The following WWOX variants were observed in gnomAD, a reference collection of about 807,000 sequenced individuals.
WWOX encodes the protein WW domain-containing oxidoreductase.
A neutral mutation model predicts 46.2 loss-of-function variants in WWOX; 69 were observed. The ratio of observed to expected loss-of-function variants is 1.49; its 90% CI spans 1.23 to 1.82. The LOEUF (loss-of-function observed/expected upper bound fraction) is 1.82, where lower values mean the gene tolerates loss of function less well. Among genes scored for constraint, WWOX ranks in the 40% most tolerant of loss-of-function variants. The probability of loss-of-function intolerance (pLI) is 0.00; values close to 1 mark genes in which losing one functional copy is unlikely to be tolerated. For missense variants in WWOX, 919 were observed against 542.6 expected (o/e 1.69, Z -6.89); for synonymous variants, 359 against 202.6 (o/e 1.77, Z -6.56).
intron 1 of WWOX, among the ~76,000 whole-genome samples, chr16:78,105,311 A>ATT (rs2032071384): frequency 1.2e-4 from 18 of 151,990 alleles, no homozygotes; most frequent in Admixed American, 1.2e-3. Flanking sequence ...AAAATACAAA[A>ATT]ATTATCCCGG....
intron 8 of WWOX, among the ~76,000 whole-genome samples, chr16:78,616,380 G>A (rs1419975222): frequency 1.3e-5 from 2 of 152,110 alleles, no homozygotes; most frequent in African/African-American, 4.8e-5. Flanking sequence ...CAGATTCAGT[G>A]TCCGGTGAGG....
At chr16:79,173,749 C>A (rs1403051339) in intron 8 of WWOX, among the ~76,000 whole-genome samples, 2 of 151,740 alleles carry the variant, frequency 1.3e-5, no homozygotes, top group East Asian at 3.9e-4. Flanking sequence ...TACTAGGTAG[C>A]CACTAAAATA....
At chr16:78,505,881 G>A (rs561475224) in intron 8 of WWOX, among the ~76,000 whole-genome samples, 1 of 152,288 alleles carries the variant, frequency 6.6e-6, no homozygotes, top group Admixed American at 6.5e-5. Flanking sequence ...GGAAGATTCG[G>A]CCTTTCTCTC....
intron 8 of WWOX, among the ~76,000 whole-genome samples, chr16:78,880,665 C>G (rs1567622707): frequency 6.6e-6 from 1 of 152,186 alleles, no homozygotes; most frequent in Non-Finnish European, 1.5e-5. Context: ...AATTCACTTG[C>G]CGAACTTGCT....
chr16:78,616,169 G>C (rs1414881496), intron 8 of WWOX, among the ~76,000 whole-genome samples: 1 of 151,686 alleles, frequency 6.6e-6, no homozygotes, highest in African/African-American at 2.4e-5. Context: ...GGCTTTCCCT[G>C]CCATGTGTAT....
intron 8 of WWOX, among the ~76,000 whole-genome samples, chr16:78,603,959 T>C (rs370787263): frequency 2.0e-5 from 3 of 151,976 alleles, no homozygotes; most frequent in Non-Finnish European, 2.9e-5. Flanking sequence ...CTGGGTAACA[T>C]AGGGAAACCC....
intron 4 of WWOX, among the ~76,000 whole-genome samples, chr16:78,133,846 A>G (rs1319202428): frequency 6.6e-6 from 1 of 152,262 alleles, no homozygotes; most frequent in Non-Finnish European, 1.5e-5. Context: ...AGATACCTGC[A>G]AGGCTGAGCT....
At chr16:78,419,761 A>G (rs975235637) in intron 6 of WWOX, among the ~76,000 whole-genome samples, 2 of 150,708 alleles carry the variant, frequency 1.3e-5, no homozygotes, top group Non-Finnish European at 2.9e-5. Context: ...TACAACCCTG[A>G]CAGCACAAGT....
chr16:78,664,736 G>C (rs1172361241), intron 8 of WWOX, among the ~76,000 whole-genome samples: 19 of 152,192 alleles, frequency 1.2e-4, no homozygotes, highest in Middle Eastern at 3.4e-3. Context: ...CCCTGAATTA[G>C]GCTCCTTGAG....
At chr16:78,793,179 C>G (rs117276031) in intron 8 of WWOX, among the ~76,000 whole-genome samples, 5,243 of 152,238 alleles carry the variant, frequency 0.034, 119 homozygotes, top group Non-Finnish European at 0.05. Context: ...ATCAAGTGAT[C>G]TTCACACCTC....
intron 8 of WWOX, among the ~76,000 whole-genome samples, chr16:78,824,791 A>T (rs1408409537): frequency 6.6e-6 from 1 of 152,186 alleles, no homozygotes; most frequent in Non-Finnish European, 1.5e-5. Context: ...ACATGTGGGA[A>T]TTCTGGGAGA....
At chr16:78,351,981 A>G (rs368530814) in intron 5 of WWOX, among the ~76,000 whole-genome samples, 3 of 152,270 alleles carry the variant, frequency 2.0e-5, no homozygotes, top group African/African-American at 7.2e-5. Context: ...CTTCAAACCT[A>G]GATCAAGAGT....
chr16:78,810,553 G>T (rs977271734), intron 8 of WWOX, among the ~76,000 whole-genome samples: 1 of 152,198 alleles, frequency 6.6e-6, no homozygotes, highest in Non-Finnish European at 1.5e-5. Context: ...GTCAACAACT[G>T]ATTAAAGCAT....
At chr16:78,684,899 T>C (rs2047819686) in intron 8 of WWOX, among the ~76,000 whole-genome samples, 1 of 152,176 alleles carries the variant, frequency 6.6e-6, no homozygotes, top group African/African-American at 2.4e-5. Context: ...ATAGGAACAC[T>C]CATAGTATGT....
chr16:79,211,610 A>T lies in WWOX; in HGVS notation c.1059A>T (p.Gln353His), dbSNP rs1459368049. The T allele has an allele frequency of 6.2e-7, 1 of 1,614,126 alleles. No homozygotes were observed. The highest frequency in any genetic ancestry group is 2.2e-5 in the East Asian group (1 of 44,866). Residue 353 changes from glutamine (Q) to histidine (H), a missense_variant and splice_region_variant, in exon 9 of 9, where the codon CAA becomes CAT. Coordinates refer to ENST00000566780, the MANE Select transcript of WWOX (RefSeq NM_016373.4). Reference sequence around the variant, plus strand: ...TGTCTTTCTTCTTGGATTTCCAGCAACAGGGAGCTGCCACCACCGTGTACT... The same window carrying T: ...TGTCTTTCTTCTTGGATTTCCAGCATCAGGGAGCTGCCACCACCGTGTACT... The part of the protein sequence containing the change: ...TLARPFTKSM[Q>H]QGAATTVYCA...
rs1257171596 is a variant in WWOX, at chr16:78,752,313, T to C, written c.1056+319561T>C. Among the ~76,000 whole-genome samples, 3 of 152,092 alleles carry C rather than the reference T, an allele frequency of 2.0e-5. No homozygotes were observed. In the East Asian group the frequency reaches 5.8e-4, roughly 29 times the overall value. On this transcript the variant is annotated intron_variant, in intron 8 of 8. Coordinates refer to ENST00000566780, the MANE Select transcript of WWOX (RefSeq NM_016373.4). ...TCTTTCCTTTTTGTTTTTGACGGAG[T>C]CTCACACTCTGTTGCCCAGGCTAGA...
chr16:78,372,905 G>T (rs993164313), intron 5 of WWOX, among the ~76,000 whole-genome samples: 5 of 152,116 alleles, frequency 3.3e-5, no homozygotes, highest in African/African-American at 1.2e-4. Context: ...GGAATAATGA[G>T]CTTGGTTTGA....
At chr16:78,909,960 A>G (rs920096980) in intron 8 of WWOX, among the ~76,000 whole-genome samples, 3 of 152,234 alleles carry the variant, frequency 2.0e-5, no homozygotes, top group African/African-American at 7.2e-5. Flanking sequence ...TCCCTGGTAC[A>G]TAAAAGAATG....
intron 8 of WWOX, among the ~76,000 whole-genome samples, chr16:78,734,738 C>G (rs143668049): frequency 2.6e-5 from 4 of 151,184 alleles, no homozygotes; most frequent in African/African-American, 9.7e-5. Flanking sequence ...TCTCAAGTGC[C>G]TGAGCTTCGT....
Sources: allele counts gnomAD v4.1 joint callset (sites outside exome capture counted in the v4.1 genomes callset), GRCh38; gene constraint gnomAD v4.1.1; transcripts MANE v1.5; gene names NCBI Gene and HGNC (gene_info 2026-07-23, HGNC 2026-07-21).